SCN11A: variants seen among roughly 807,000 people sequenced by gnomAD.
SCN11A encodes the protein sodium voltage-gated channel alpha subunit 11, also known as sodium channel protein type 11 subunit alpha.
A neutral mutation model predicts 162.2 loss-of-function variants in SCN11A; 122 were observed. The observed-to-expected ratio is 0.75, with a 90% CI of 0.65 to 0.87. SCN11A has a LOEUF of 0.87. SCN11A is among the 40% of genes least tolerant of loss of function. The pLI is 0.00. For missense variants in SCN11A, 2,015 were observed against 2,181.6 expected, an observed-to-expected ratio of 0.92 and a Z score of 1.52; for synonymous variants, 758 against 751.5, an observed-to-expected ratio of 1.01 and a Z score of -0.14.
intron 2 of SCN11A, among the ~76,000 whole-genome samples, chr3:39,024,862 T>C (rs1039354346): frequency 1.3e-5 from 2 of 152,242 alleles, no homozygotes; most frequent in African/African-American, 4.8e-5. Context: ...GGGCTGTCCA[T>C]ACTTTTTTGA....
Position 38,846,028 on chromosome 3 carries a change from T to G in SCN11A, c.*666A>C, listed in dbSNP as rs1354069482. The G allele has an allele frequency of 1.3e-5, 2 of 152,286 alleles. No individual in the cohort carries two copies. The highest frequency in any genetic ancestry group is 4.8e-5 in the African/African-American group (2 of 41,468). The allele number at this position is 152,286 out of a possible 1,614,324, so 9.4% of individuals were successfully genotyped here. ...GAAAATATCAAACAAAAATGATGTA[T>G]CTAGAAACATAGAAAATACAACTTA... is the stretch of plus-strand genomic sequence containing the variant. On this transcript the variant is annotated 3_prime_UTR_variant, in exon 30 of 30. Coordinates refer to ENST00000302328, the MANE Select transcript of SCN11A (RefSeq NM_001349253.2).
chr3:38,897,166 G>A lies in SCN11A; in HGVS notation c.2082C>T (p.Ile694=), dbSNP rs369835845. Residue 694 remains isoleucine, a synonymous_variant, in exon 18 of 30, where the codon ATC becomes ATT. Coordinates refer to ENST00000302328, the MANE Select transcript of SCN11A (RefSeq NM_001349253.2). ...WPTLNTLIKI[I]GNSVGALGSL... ...TTCCAAGGGCTCCGACAGAGTTGCC[G>A]ATTATCTTAATTAGTGTGTTCAAAG... 46 of 1,613,950 alleles carry A rather than the reference G, an allele frequency of 2.9e-5. No individual in the cohort carries two copies. The highest frequency in any genetic ancestry group is 9.9e-5 in the South Asian group (9 of 91,078).
chr3:39,051,709 G>C (rs977514778), intron 1 of SCN11A, among the ~76,000 whole-genome samples, 152 bp downstream of exon 1: 4 of 152,090 alleles, frequency 2.6e-5, no homozygotes, highest in Non-Finnish European at 5.9e-5. Context: ...CTTTCGTTTT[G>C]CTTGGGCCTC....
intron 1 of SCN11A, among the ~76,000 whole-genome samples, chr3:39,044,461 A>G (rs749137596): frequency 5.3e-4 from 80 of 152,216 alleles, no homozygotes; most frequent in Non-Finnish European, 7.2e-4. Flanking sequence ...AATCAAAACC[A>G]TATCAAGTAT....
intron 8 of SCN11A, among the ~76,000 whole-genome samples, chr3:38,926,487 CTT>C (rs869220907): frequency 2.5e-4 from 36 of 144,030 alleles, no homozygotes; most frequent in African/African-American, 4.6e-4. Flanking sequence ...AAAACCATGT[CTT>C]TTTTTTTTTT....
At chr3:39,022,054 C>T (rs76340949) in intron 2 of SCN11A, among the ~76,000 whole-genome samples, 78 of 152,224 alleles carry the variant, frequency 5.1e-4, no homozygotes, top group African/African-American at 1.9e-3. Flanking sequence ...AAGGCTGCCC[C>T]TCCTTTTTTC....
intron 2 of SCN11A, among the ~76,000 whole-genome samples, chr3:38,964,068 T>C (rs1413535406): frequency 6.6e-6 from 1 of 152,200 alleles, no homozygotes; most frequent in Non-Finnish European, 1.5e-5. Flanking sequence ...ATTCAGGACT[T>C]TTCTGTCCTG....
At chr3:38,937,750 T>C (rs962183100) in intron 7 of SCN11A, among the ~76,000 whole-genome samples, 3 of 152,266 alleles carry the variant, frequency 2.0e-5, no homozygotes, top group African/African-American at 7.2e-5. Flanking sequence ...TGTGGAGAAA[T>C]AGGAACACTT....
At chr3:38,904,973 T>G (rs753351475) in intron 15 of SCN11A, among the ~76,000 whole-genome samples, 24 of 152,132 alleles carry the variant, frequency 1.6e-4, no homozygotes, top group Non-Finnish European at 2.9e-4. Flanking sequence ...TCTACCCAGG[T>G]GCCAGTTTAG....
intron 1 of SCN11A, among the ~76,000 whole-genome samples, chr3:39,047,480 G>A (rs916609634): frequency 6.6e-6 from 1 of 152,092 alleles, no homozygotes; most frequent in African/African-American, 2.4e-5. Context: ...AAGATTTTAT[G>A]GATAAGCCCT....
At chr3:38,915,476 G>C (rs2065946705) in intron 11 of SCN11A, among the ~76,000 whole-genome samples, 1 of 152,082 alleles carries the variant, frequency 6.6e-6, no homozygotes, top group African/African-American at 2.4e-5. Flanking sequence ...CCTTAGCTGT[G>C]TCCCAGAGAT....
chr3:38,853,186 A>C (rs1488133533), intron 28 of SCN11A, among the ~76,000 whole-genome samples: 1 of 152,196 alleles, frequency 6.6e-6, no homozygotes, highest in Non-Finnish European at 1.5e-5. Context: ...CTTGAAATAA[A>C]CTGATAAATA....
rs200337709 is a variant in SCN11A, at chr3:39,035,647, GT to G, written c.-403-3145del. Among the ~76,000 whole-genome samples the G allele has an allele frequency of 4.5e-3, 665 of 147,266 alleles. 2 individuals carry two copies. Among genetic ancestry groups the G allele is most frequent in the Non-Finnish European group, 5.0e-3 (334 of 66,392 alleles). Reference sequence around the variant, plus strand: ...ATCCTGGTACTGATCAACATGGAAGGTTTTTTTTTTTAGATGGAGTCTCGCT... The same window carrying G: ...ATCCTGGTACTGATCAACATGGAAGGTTTTTTTTTTAGATGGAGTCTCGCT... On this transcript the variant is annotated intron_variant, in intron 1 of 29. Transcript: ENST00000302328.
chr3:38,993,435 C>A (rs1014317242), intron 2 of SCN11A, among the ~76,000 whole-genome samples: 6 of 152,178 alleles, frequency 3.9e-5, no homozygotes, highest in African/African-American at 1.4e-4. Flanking sequence ...GTTATGCTAG[C>A]CTTGGCTCCC....
intron 2 of SCN11A, among the ~76,000 whole-genome samples, chr3:39,024,060 T>C (rs2031522535): frequency 6.6e-6 from 1 of 152,156 alleles, no homozygotes. Context: ...GTGATACCTG[T>C]CCTCCCCATC....
intron 14 of SCN11A, among the ~76,000 whole-genome samples, chr3:38,905,628 C>A (rs1242104620): frequency 1.3e-5 from 2 of 152,140 alleles, no homozygotes; most frequent in African/African-American, 4.8e-5. Context: ...TTTACAAAAA[C>A]TAGTAAGCAA....
At chr3:38,972,206 G>T (rs935254549) in intron 2 of SCN11A, among the ~76,000 whole-genome samples, 3 of 152,176 alleles carry the variant, frequency 2.0e-5, no homozygotes, top group Admixed American at 2.0e-4. Flanking sequence ...CTGCCTGGAT[G>T]GGGGAGTGAT....
chr3:38,926,779 C>T (rs2066148629), intron 8 of SCN11A, 24 bp downstream of exon 8: 1 of 1,609,554 alleles, frequency 6.2e-7, no homozygotes, highest in East Asian at 2.2e-5. Context: ...CAAGTCTCTT[C>T]AAAAACATCT....
chr3:38,943,664 C>T (rs931941488), intron 7 of SCN11A, among the ~76,000 whole-genome samples: 1 of 151,982 alleles, frequency 6.6e-6, no homozygotes, highest in African/African-American at 2.4e-5. Context: ...AAAAATGATA[C>T]AGAAGCAAAG....
Sources: gnomAD v4.1 joint callset for allele counts (sites outside exome capture counted in the v4.1 genomes callset) on GRCh38, gnomAD v4.1.1 for gene constraint, MANE v1.5 for transcripts, NCBI Gene and HGNC (gene_info 2026-07-23, HGNC 2026-07-21) for gene names.